LIMA1: variants seen among roughly 807,000 people sequenced by gnomAD.
The protein encoded by LIMA1 is LIM domain and actin binding 1, also known as LIM domain and actin-binding protein 1.
A neutral mutation model predicts 62.6 loss-of-function variants in LIMA1; 52 were observed. That is an observed-to-expected ratio of 0.83 (90% CI 0.67 to 1.05). The LOEUF (loss-of-function observed/expected upper bound fraction) is 1.05, where lower values mean the gene tolerates loss of function less well. Ranked by LOEUF, LIMA1 falls within the 50% of genes least tolerant of loss-of-function variation. The pLI, the probability that LIMA1 is intolerant of heterozygous loss-of-function variation, is 0.00. For missense variants in LIMA1, 780 were observed against 902.2 expected (o/e 0.86, Z 1.74); for synonymous variants, 302 against 317.8 (o/e 0.95, Z 0.53).
chr12:50,242,624 G>C (rs1417610224), intron 2 of LIMA1, among the ~76,000 whole-genome samples: 3 of 152,186 alleles, frequency 2.0e-5, no homozygotes, highest in Non-Finnish European at 4.4e-5. Flanking sequence ...ATGACCTTCA[G>C]TCATAATTGC....
At chr12:50,178,560 C>T (rs1940409377) in intron 10 of LIMA1, among the ~76,000 whole-genome samples, 1 of 149,940 alleles carries the variant, frequency 6.7e-6, no homozygotes, top group East Asian at 1.9e-4. Context: ...AAAAAACCAA[C>T]AGTAATAGAA....
Position 50,177,059 on chromosome 12 carries a change from A to G in LIMA1, c.*5T>C, listed in dbSNP as rs1308811694. On this transcript the variant is annotated 3_prime_UTR_variant, in exon 11 of 11. Coordinates refer to ENST00000341247, the MANE Select transcript of LIMA1 (RefSeq NM_016357.5). ...GAATTTAAGGCCCAGCATCATTGCA[A>G]TTTGTCACTCTTCATCCTCATCCTC... 4 of 1,539,392 alleles carry G rather than the reference A, an allele frequency of 2.6e-6. No individual in the cohort carries two copies. The African/African-American group carries it at 4.1e-5, about 16-fold the overall frequency.
rs772447819 is a variant in LIMA1, at chr12:50,192,451, C to T, written c.1140+1G>A. 1 of 1,597,728 alleles carries T rather than the reference C, an allele frequency of 6.3e-7. No individual in the cohort carries two copies. Reference sequence around the variant, plus strand: ...GGCTCAGAGAGAAATTGCCATCATACCTTCATTGCTTTGGGAGGAGAACTT... The same window carrying T: ...GGCTCAGAGAGAAATTGCCATCATATCTTCATTGCTTTGGGAGGAGAACTT... On this transcript the variant is annotated splice_donor_variant, in intron 9 of 10. Transcript: ENST00000341247. LOFTEE classifies it high-confidence loss of function.
intron 10 of LIMA1, among the ~76,000 whole-genome samples, chr12:50,179,446 GT>G (rs1555203133): frequency 8.4e-6 from 1 of 118,898 alleles, no homozygotes; most frequent in Non-Finnish European, 1.8e-5. Context: ...AGCCATTTTT[GT>G]TTTTTTTTGA....
At chr12:50,252,579 C>CAAAAAAAAAAAAAAAAAA (rs397936373) in intron 1 of LIMA1, among the ~76,000 whole-genome samples, 1 of 59,020 alleles carries the variant, frequency 1.7e-5, no homozygotes, top group African/African-American at 6.5e-5. Flanking sequence ...GAAACTGTCT[C>CAAAAAAAAAAAAAAAAAA]AAAAAAAAAA....
intron 1 of LIMA1, among the ~76,000 whole-genome samples, chr12:50,262,529 T>C (rs942775132): frequency 2.6e-5 from 4 of 151,900 alleles, no homozygotes; most frequent in African/African-American, 9.7e-5. Flanking sequence ...ATCTTAGCAC[T>C]TTGGGAGGCT....
At chr12:50,279,000 C>A (rs1592575646) in intron 1 of LIMA1, among the ~76,000 whole-genome samples, 1 of 113,258 alleles carries the variant, frequency 8.8e-6, no homozygotes. Flanking sequence ...TTCTTTTTTT[C>A]TTTTCTTTTC....
At chr12:50,228,671 G>C (rs1330655389) in intron 3 of LIMA1, among the ~76,000 whole-genome samples, 1 of 152,152 alleles carries the variant, frequency 6.6e-6, no homozygotes, top group African/African-American at 2.4e-5. Context: ...CCGCAGCGGG[G>C]ATCTCTTCCA....
chr12:50,190,567 A>G (rs555491561), intron 9 of LIMA1, among the ~76,000 whole-genome samples: 56 of 132,462 alleles, frequency 4.2e-4, no homozygotes, highest in Admixed American at 8.7e-4. Context: ...TTTAGTAGAG[A>G]TGGGGTTTCT....
At chr12:50,269,811 T>G (rs1198854793) in intron 1 of LIMA1, among the ~76,000 whole-genome samples, 1 of 149,398 alleles carries the variant, frequency 6.7e-6, no homozygotes, top group South Asian at 2.1e-4. Flanking sequence ...TCCCAACTAC[T>G]TGGGAGGCTA....
At position 50,195,891 on chromosome 12, in the gene LIMA1, C is replaced by T; in HGVS notation, c.973-4G>A. ...GGCTATTCTCATTTGCAGAAATCTA[C>T]AAAAAAAAAAAAAAAAAAAAAGTTA... On this transcript the variant is annotated splice_polypyrimidine_tract_variant and splice_region_variant and intron_variant, in intron 7 of 10. Transcript: ENST00000341247. 5 of 1,093,448 alleles carry T rather than the reference C, an allele frequency of 4.6e-6. No individual in the cohort carries two copies. The highest frequency in any genetic ancestry group is 4.6e-6 in the Non-Finnish European group (4 of 873,300). 67.7% of individuals were successfully genotyped at this position (1,093,448 alleles called of 1,614,324 possible).
intron 1 of LIMA1, among the ~76,000 whole-genome samples, chr12:50,251,055 T>C (rs1277662559): frequency 6.6e-6 from 1 of 152,220 alleles, no homozygotes; most frequent in African/African-American, 2.4e-5. Context: ...CCTATTTGTC[T>C]ATCTGGTATT....
At chr12:50,259,233 AC>A (rs2138667370) in intron 1 of LIMA1, among the ~76,000 whole-genome samples, 1 of 152,302 alleles carries the variant, frequency 6.6e-6, no homozygotes, top group South Asian at 2.1e-4. Context: ...GAAAGAACAC[AC>A]ATGGCCCTTT....
At chr12:50,223,803 C>T (rs1171173400) in intron 3 of LIMA1, among the ~76,000 whole-genome samples, 1 of 152,120 alleles carries the variant, frequency 6.6e-6, no homozygotes, top group East Asian at 1.9e-4. Flanking sequence ...TTTGGGAGGC[C>T]GAGGCGGGTG....
chr12:50,271,155 C>T (rs1942207303), intron 1 of LIMA1, among the ~76,000 whole-genome samples: 1 of 152,156 alleles, frequency 6.6e-6, no homozygotes, highest in African/African-American at 2.4e-5. Context: ...CCTGTAATCC[C>T]AGCACTTTGG....
intron 1 of LIMA1, among the ~76,000 whole-genome samples, chr12:50,278,146 C>G (rs1002384427): frequency 6.6e-6 from 1 of 150,978 alleles, no homozygotes. Context: ...ACGGGCTGGG[C>G]GAGGTGGCTC....
rs369164140 is a variant in LIMA1 at position 50,192,510 on chromosome 12, A to C, written c.1082T>G (p.Leu361Arg). 2.2e-5 allele frequency: 35 copies of C among 1,614,028 alleles called. No homozygotes were observed. The African/African-American group carries it at 4.7e-4, about 22-fold the overall frequency. ...EVQQPVHPKP[L>R]SPDSRASSLS... is the part of the protein sequence containing the mutation. ...ACTGGAGGCTCTGGAATCTGGACTT[A>C]GTGGCTTGGGATGGACAGGCTGTTG... is the stretch of plus-strand genomic sequence containing the variant. Residue 361 changes from leucine to arginine, a missense_variant, in exon 9 of 11, where the codon CTA becomes CGA. By Grantham distance (102) the Leu-to-Arg change is moderately radical. Coordinates refer to ENST00000341247, the MANE Select transcript of LIMA1 (RefSeq NM_016357.5).
chr12:50,203,707 C>A (rs1025463359), intron 6 of LIMA1, among the ~76,000 whole-genome samples: 1 of 152,168 alleles, frequency 6.6e-6, no homozygotes, highest in Non-Finnish European at 1.5e-5. Context: ...GCCATCACAC[C>A]CAGCTGAATA....
intron 1 of LIMA1, among the ~76,000 whole-genome samples, chr12:50,260,147 CTTT>C (rs869151267): frequency 1.5e-5 from 2 of 135,280 alleles, no homozygotes; most frequent in African/African-American, 2.7e-5. Flanking sequence ...CCTAGAGTTT[CTTT>C]TTTTTTTTTT....
Sources: allele counts gnomAD v4.1 joint callset (sites outside exome capture counted in the v4.1 genomes callset), GRCh38; gene constraint gnomAD v4.1.1; transcripts MANE v1.5; gene names NCBI Gene and HGNC (gene_info 2026-07-23, HGNC 2026-07-21).